The following EPM2A variants were observed in gnomAD, a reference collection of about 807,000 sequenced individuals.
The protein encoded by EPM2A is laforin.
In EPM2A, 21 loss-of-function variants were observed where a neutral mutation model predicts 26.5. The ratio of observed to expected loss-of-function variants is 0.79; its 90% confidence interval spans 0.56 to 1.14. The LOEUF (loss-of-function observed/expected upper bound fraction) is 1.14. Among genes scored for constraint, EPM2A ranks in the 50% most tolerant of loss-of-function variants. EPM2A has a pLI of 0.00. For synonymous variants in EPM2A, 217 were observed against 177.6 expected (o/e 1.22, Z -1.76); for missense variants, 458 against 440.8 (o/e 1.04, Z -0.35).
intron 2 of EPM2A, among the ~76,000 whole-genome samples, chr6:145,554,280 C>G (rs1411672897): frequency 2.0e-5 from 3 of 151,850 alleles, no homozygotes; most frequent in Non-Finnish European, 2.9e-5. Context: ...ACCTCAGACC[C>G]AGAAAAACCC....
intron 4 of EPM2A, among the ~76,000 whole-genome samples, chr6:145,405,198 G>A (rs954870690): frequency 2.0e-5 from 3 of 151,812 alleles, no homozygotes; most frequent in Admixed American, 6.6e-5. Context: ...GAATTTGCAC[G>A]TTTAATCAAT....
chr6:145,430,899 A>G (rs1212445578), intron 4 of EPM2A, among the ~76,000 whole-genome samples: 1 of 152,218 alleles, frequency 6.6e-6, no homozygotes, highest in Non-Finnish European at 1.5e-5. Flanking sequence ...AGCAAAATAT[A>G]AAATTATAAT....
chr6:145,582,283 T>A (rs1191101830), intron 2 of EPM2A, among the ~76,000 whole-genome samples: 1 of 152,236 alleles, frequency 6.6e-6, no homozygotes, highest in Non-Finnish European at 1.5e-5. Flanking sequence ...TCTATTTATA[T>A]TTTGCCATGG....
At chr6:145,388,593 C>T (rs1186649375) in intron 4 of EPM2A, among the ~76,000 whole-genome samples, 3 of 152,088 alleles carry the variant, frequency 2.0e-5, no homozygotes. Context: ...TATACATGTG[C>T]CATGGTGGTT....
intron 4 of EPM2A, among the ~76,000 whole-genome samples, chr6:145,458,278 T>C (rs1348148070): frequency 1.3e-5 from 2 of 152,198 alleles, no homozygotes; most frequent in African/African-American, 4.8e-5. Flanking sequence ...GTGAGGATAA[T>C]GGCCATTCCC....
At chr6:145,709,939 T>C (rs1437964080) in intron 1 of EPM2A, among the ~76,000 whole-genome samples, 1 of 152,206 alleles carries the variant, frequency 6.6e-6, no homozygotes, top group Non-Finnish European at 1.5e-5. Flanking sequence ...ACTGGATCCC[T>C]TCCTTACACC....
intron 1 of EPM2A, among the ~76,000 whole-genome samples, chr6:145,702,135 C>A (rs1781948210): frequency 6.6e-6 from 1 of 152,216 alleles, no homozygotes; most frequent in Admixed American, 6.5e-5. Context: ...AGCACTCTTA[C>A]TTCCCTATTC....
chr6:145,610,034 G>A (rs531539502), intron 2 of EPM2A, among the ~76,000 whole-genome samples: 1 of 152,218 alleles, frequency 6.6e-6, no homozygotes, highest in Non-Finnish European at 1.5e-5. Context: ...GGCCAAGATG[G>A]TGAAACCCTG....
chr6:145,652,716 T>C (rs547547014), intron 2 of EPM2A, among the ~76,000 whole-genome samples: 3 of 151,842 alleles, frequency 2.0e-5, no homozygotes, highest in Admixed American at 1.3e-4. Context: ...GAACTTCTAT[T>C]ACCTTACTTA....
intron 2 of EPM2A, among the ~76,000 whole-genome samples, chr6:145,523,958 G>A (rs1780237035): frequency 6.6e-6 from 1 of 152,072 alleles, no homozygotes; most frequent in East Asian, 1.9e-4. Context: ...CTAGTGGAAG[G>A]GAGTCCTCAG....
chr6:145,667,046 A>G (rs1235700420), intron 2 of EPM2A, among the ~76,000 whole-genome samples: 2 of 130,172 alleles, frequency 1.5e-5, no homozygotes, highest in Non-Finnish European at 3.1e-5. Flanking sequence ...TGTTAGACCT[A>G]AAACCATAAA....
chr6:145,569,565 C>G (rs1475601048), intron 2 of EPM2A, among the ~76,000 whole-genome samples: 1 of 152,188 alleles, frequency 6.6e-6, no homozygotes, highest in African/African-American at 2.4e-5. Context: ...GCAAAGCGAT[C>G]TCATTTGTCC....
rs1582988260 is a variant in EPM2A at position 145,659,461 on chromosome 6, C to T, written c.477-23975G>A. Among the ~76,000 whole-genome samples the T allele has an allele frequency of 3.3e-5, 5 of 151,848 alleles. No homozygotes were observed. The South Asian group carries it at 8.3e-4, about 25-fold the overall frequency. ...AGAAAATCAGAATATGAGGTAAATACAATTTTTGTTCATTTCCTTACTTCA... is the reference window on the plus strand; with the variant it reads ...AGAAAATCAGAATATGAGGTAAATATAATTTTTGTTCATTTCCTTACTTCA... On this transcript the variant is annotated intron_variant, in intron 2 of 3. Coordinates refer to ENST00000367519, the MANE Select transcript of EPM2A (RefSeq NM_005670.4).
intron 2 of EPM2A, among the ~76,000 whole-genome samples, chr6:145,584,468 G>A (rs1341972357): frequency 6.6e-6 from 1 of 152,132 alleles, no homozygotes; most frequent in South Asian, 2.1e-4. Flanking sequence ...CGCCACATAG[G>A]GGAGTTTGGC....
chr6:145,711,743 A>T (rs1053174385), intron 1 of EPM2A, among the ~76,000 whole-genome samples: 8 of 152,174 alleles, frequency 5.3e-5, no homozygotes, highest in Non-Finnish European at 1.5e-5. Flanking sequence ...AAAAGTTGAT[A>T]TCATTTTTCA....
At chr6:145,412,151 G>C (rs1262964028) in intron 4 of EPM2A, among the ~76,000 whole-genome samples, 4 of 151,162 alleles carry the variant, frequency 2.6e-5, no homozygotes, top group East Asian at 1.9e-4. Flanking sequence ...TGGGAGGCAG[G>C]GGTTGCAGTG....
At chr6:145,483,860 G>C (rs1453504535) in intron 4 of EPM2A, among the ~76,000 whole-genome samples, 4 of 152,126 alleles carry the variant, frequency 2.6e-5, no homozygotes, top group Admixed American at 6.6e-5. Context: ...ATTCAGTAAT[G>C]ACTTCTGCTC....
intron 2 of EPM2A, among the ~76,000 whole-genome samples, chr6:145,557,626 TG>T (rs1780746844): frequency 6.6e-6 from 1 of 152,098 alleles, no homozygotes; most frequent in African/African-American, 2.4e-5. Flanking sequence ...ACATAGAAAT[TG>T]TGTATATTTA....
intron 2 of EPM2A, chr6:145,671,421 T>C (rs867624170): frequency 2.0e-6 from 2 of 989,840 alleles, no homozygotes; most frequent in African/African-American, 1.7e-5. Context: ...GAAGCTGATA[T>C]GAACTATAGT....
Sources: gnomAD v4.1 joint callset for allele counts (sites outside exome capture counted in the v4.1 genomes callset) on GRCh38, gnomAD v4.1.1 for gene constraint, MANE v1.5 for transcripts, NCBI Gene and HGNC (gene_info 2026-07-23, HGNC 2026-07-21) for gene names.